FREM1: variants seen among roughly 807,000 people sequenced by gnomAD.
The protein encoded by FREM1 is FRAS1 related extracellular matrix 1.
Under a neutral mutation model 210.1 loss-of-function variants are expected in FREM1, and 220 were observed. That is an observed-to-expected ratio of 1.05 (90% CI 0.94 to 1.17). FREM1 has a LOEUF of 1.17. Ranked by LOEUF, FREM1 falls within the 50% of genes most tolerant of loss-of-function variation. The pLI, the probability that FREM1 is intolerant of heterozygous loss-of-function variation, is 0.00. For synonymous variants in FREM1, 1,189 were observed against 980.2 expected (o/e 1.21, Z -3.98); for missense variants, 3,454 against 2,675.5 (o/e 1.29, Z -6.42).
At chr9:14,797,353 C>T (rs1852618008) in intron 21 of FREM1, 145 bp downstream of exon 21, 1 of 531,936 alleles carries the variant, frequency 1.9e-6, no homozygotes, top group Non-Finnish European at 3.2e-6. Flanking sequence ...CTAAAGGTTC[C>T]TCATGCCTGA....
rs138033323 is a variant in FREM1 at position 14,846,966 on chromosome 9, C to T, written c.1262-875G>A. 1.4e-4 allele frequency among the ~76,000 whole-genome samples: 21 copies of T among 152,260 alleles called. No homozygotes were observed. The East Asian group carries it at 3.9e-3, about 28-fold the overall frequency. On this transcript the variant is annotated intron_variant, in intron 7 of 36. Coordinates refer to ENST00000380880, the MANE Select transcript of FREM1 (RefSeq NM_001379081.2). ...GGCTACCTCCACTGCCCTCTAGTGG[C>T]GGCAGGACCAACCTTGTGGCTGATC...
rs755041680 is a variant in FREM1 at position 14,859,280 on chromosome 9, C to T, written c.534G>A (p.Ala178=). 1.2e-5 allele frequency: 19 copies of T among 1,613,710 alleles called. No individual in the cohort carries two copies. In the Middle Eastern group the frequency reaches 9.9e-4, roughly 84 times the overall value. The change falls in exon 4 of 37, where the codon GCG becomes GCA. Residue 178 remains alanine (A), a synonymous_variant. Coordinates refer to ENST00000380880, the MANE Select transcript of FREM1 (RefSeq NM_001379081.2). ...GGCCATGGGCTGGCAGCCGAGTTCT[C>T]GCAGTGTCCAGGCTGACGGTACATT... ...SLECTVSLDT[A]RTRLPAHGQM...
At chr9:14,888,776 T>C (rs1836260954) in intron 1 of FREM1, among the ~76,000 whole-genome samples, 1 of 152,236 alleles carries the variant, frequency 6.6e-6, no homozygotes, top group Non-Finnish European at 1.5e-5. Context: ...TGTATGATTT[T>C]AGGAGAAACT....
intron 24 of FREM1, among the ~76,000 whole-genome samples, chr9:14,780,556 A>G (rs932459070): frequency 5.3e-5 from 8 of 152,076 alleles, no homozygotes; most frequent in African/African-American, 1.7e-4. Flanking sequence ...CTGTCCTAGA[A>G]CATGCTGCCA....
At chr9:14,897,587 A>G (rs1434052092) in intron 1 of FREM1, among the ~76,000 whole-genome samples, 1 of 107,796 alleles carries the variant, frequency 9.3e-6, no homozygotes, top group Non-Finnish European at 2.1e-5. Context: ...AACTGTAATG[A>G]TAATTTTTTT....
Position 14,805,021 on chromosome 9 carries a change from G to C in FREM1, c.3406C>G (p.Pro1136Ala), listed in dbSNP as rs201361772. The change falls in exon 19 of 37, where the codon CCA (proline) becomes GCA (alanine). Residue 1136 changes from proline to alanine, a missense_variant. By Grantham distance (27) the Pro-to-Ala change is conservative. Transcript: ENST00000380880. Reference protein sequence around the residue: ...TDGKHHSLEIPFSIIINPTND... With the variant: ...TDGKHHSLEIAFSIIINPTND... Reference sequence around the variant, plus strand: ...GTGGGGTTGATTATAATAGAAAATGGTATCTCCAAGGAGTGATGCTTCCCA... The same window carrying C: ...GTGGGGTTGATTATAATAGAAAATGCTATCTCCAAGGAGTGATGCTTCCCA... 178 of 1,613,628 alleles carry C rather than the reference G, an allele frequency of 1.1e-4. No individual in the cohort carries two copies. The highest frequency in any genetic ancestry group is 2.5e-6 in the Non-Finnish European group (3 of 1,179,734).
At position 14,784,523 on chromosome 9, in the gene FREM1, A is replaced by G; in HGVS notation, c.4289T>C (p.Leu1430Pro). The G allele has an allele frequency of 1.2e-6, 2 of 1,613,824 alleles. No individual in the cohort carries two copies. Among genetic ancestry groups the G allele is most frequent in the Non-Finnish European group, 1.7e-6 (2 of 1,179,826 alleles). ...VDGTDKPEEL[L>P]YVITSPPRYG... ...TCGCGGAGGGGAGGTGATGACATAG[A>G]GCAGTTCCTCAGGCTTGTCTGTTCC... Residue 1430 changes from leucine to proline, a missense_variant, in exon 24 of 37, where the codon CTC (leucine) becomes CCC (proline). By Grantham distance (98) the Leu-to-Pro change is moderately conservative. Transcript: ENST00000380880.
At chr9:14,853,468 T>C (rs1486729468) in intron 5 of FREM1, among the ~76,000 whole-genome samples, 1 of 152,152 alleles carries the variant, frequency 6.6e-6, no homozygotes, top group African/African-American at 2.4e-5. Flanking sequence ...CTATGAGTGA[T>C]AGATCAATGA....
chr9:14,761,381 G>T (rs947557319), intron 27 of FREM1, among the ~76,000 whole-genome samples: 1 of 152,064 alleles, frequency 6.6e-6, no homozygotes. Context: ...TATTCAGTCA[G>T]ATTTAAAATT....
chr9:14,865,979 C>T (rs1290663125), intron 2 of FREM1, among the ~76,000 whole-genome samples: 2 of 152,054 alleles, frequency 1.3e-5, no homozygotes, highest in Non-Finnish European at 2.9e-5. Context: ...ACTCCTTTAC[C>T]ACAGAATAAA....
chr9:14,901,624 A>T (rs1044714621), intron 1 of FREM1, among the ~76,000 whole-genome samples: 2 of 151,866 alleles, frequency 1.3e-5, no homozygotes, highest in African/African-American at 4.9e-5. Flanking sequence ...ATAGTAATGC[A>T]TGACACAGGT....
intron 27 of FREM1, among the ~76,000 whole-genome samples, chr9:14,762,755 A>ATTTTTTTTTTTTT (rs34136678): frequency 7.3e-6 from 1 of 137,924 alleles, no homozygotes; most frequent in Non-Finnish European, 1.5e-5. Context: ...TTTGAATGTG[A>ATTTTTTTTTTTTT]TTTTTTTTTT....
At position 14,775,781 on chromosome 9, in the gene FREM1, A is replaced by G. The variant is rs1874108; in HGVS notation, c.4857+8T>C. 402,035 of 1,582,032 alleles carry G rather than the reference A, an allele frequency of 0.25. 53,906 individuals are homozygous for G. The highest frequency in any genetic ancestry group is 0.35 in the Middle Eastern group (1,934 of 5,568). On this transcript the variant is annotated splice_region_variant and intron_variant, in intron 25 of 36. Transcript: ENST00000380880. ...CTCTGGCAAATGAACTGTGTTTTTC[A>G]TACTTGCCTGAATGGTGAATAAAAC...
intron 27 of FREM1, among the ~76,000 whole-genome samples, chr9:14,762,896 G>C (rs1409014529): frequency 1.3e-5 from 2 of 151,948 alleles, no homozygotes; most frequent in African/African-American, 4.8e-5. Context: ...TTGCCTGCAA[G>C]AAGCCACACA....
intron 19 of FREM1, among the ~76,000 whole-genome samples, chr9:14,804,589 A>AC (rs1351701090): frequency 1.3e-5 from 2 of 152,164 alleles, no homozygotes; most frequent in Admixed American, 1.3e-4. Flanking sequence ...CATCTCAAAA[A>AC]ACAAAAAACA....
At chr9:14,743,613 G>C (rs1025287199) in intron 35 of FREM1, among the ~76,000 whole-genome samples, 1 of 152,010 alleles carries the variant, frequency 6.6e-6, no homozygotes, top group Non-Finnish European at 1.5e-5. Context: ...TTATAGACCA[G>C]TTACTTGCAT....
In FREM1 at chr9:14,776,031, C is replaced by T; in HGVS notation, c.4615G>A (p.Ala1539Thr). ...LLQLTDPDTP[A>T]ENLTFLLVQL... is the part of the protein sequence containing the mutation. ...ACCAAGAGGAAGGTGAGGTTCTCCG[C>T]AGGTGTATCAGGGTCGGTCAGCTGA... The change falls in exon 25 of 37, where the codon GCG becomes ACG. Residue 1539 changes from alanine (A) to threonine (T), a missense_variant. Coordinates refer to ENST00000380880, the MANE Select transcript of FREM1 (RefSeq NM_001379081.2). 6.2e-7 allele frequency: 1 copy of T among 1,613,988 alleles called. No individual in the cohort carries two copies. Among genetic ancestry groups the T allele is most frequent in the Non-Finnish European group, 8.5e-7 (1 of 1,179,876 alleles).
In FREM1 at chr9:14,797,649, G is replaced by A. The variant is rs1445781751; in HGVS notation, c.3695-7C>T. On this transcript the variant is annotated splice_polypyrimidine_tract_variant and splice_region_variant and intron_variant, in intron 20 of 36. Coordinates refer to ENST00000380880, the MANE Select transcript of FREM1 (RefSeq NM_001379081.2). ...ATGTACGTCAACCTCATTCCTGGAAGAAGGAAAAAAAATAAGTAAATCTTC... is the reference window on the plus strand; with the variant it reads ...ATGTACGTCAACCTCATTCCTGGAAAAAGGAAAAAAAATAAGTAAATCTTC... 2.5e-6 allele frequency: 4 copies of A among 1,599,276 alleles called. No individual in the cohort carries two copies. The highest frequency in any genetic ancestry group is 1.7e-5 in the Admixed American group (1 of 57,626).
chr9:14,833,969 T>C (rs1824061759), intron 10 of FREM1, among the ~76,000 whole-genome samples: 1 of 152,186 alleles, frequency 6.6e-6, no homozygotes, highest in Non-Finnish European at 1.5e-5. Context: ...GTTTTCCTCA[T>C]AAAACCCCAG....
Sources: allele counts gnomAD v4.1 joint callset (sites outside exome capture counted in the v4.1 genomes callset), GRCh38; gene constraint gnomAD v4.1.1; transcripts MANE v1.5; gene names NCBI Gene and HGNC (gene_info 2026-07-23, HGNC 2026-07-21).